Variants in PALLD observed in about 807,000 individuals in gnomAD.
PALLD encodes palladin, cytoskeletal associated protein.
PALLD carries 61 observed loss-of-function variants against 123.5 expected under a neutral mutation model. The observed-to-expected ratio is 0.49, with a 90% confidence interval of 0.40 to 0.61. PALLD has a LOEUF of 0.61. Ranked by LOEUF, PALLD falls within the 20% of genes least tolerant of loss-of-function variation. The pLI is 0.00. For missense variants in PALLD, 1,273 were observed against 1,377.0 expected, an observed-to-expected ratio of 0.92 and a Z score of 1.20; for synonymous variants, 465 against 496.4, an observed-to-expected ratio of 0.94 and a Z score of 0.84.
At chr4:168,715,088 T>C (rs1399994529) in intron 10 of PALLD, among the ~76,000 whole-genome samples, 1 of 152,094 alleles carries the variant, frequency 6.6e-6, no homozygotes, top group East Asian at 1.9e-4. Flanking sequence ...AAGTAGGGGT[T>C]CCTGGTCCAG....
chr4:168,928,112 C>A lies in PALLD; in HGVS notation c.*1932C>A. On this transcript the variant is annotated 3_prime_UTR_variant, in exon 22 of 22. Coordinates refer to ENST00000505667, the MANE Select transcript of PALLD (RefSeq NM_001166108.2). ...GCTTGAGCACCGGGTGGCAGATGTT[C>A]TATGCAGTGTGGTTCAAGTTTCTTT... 1 of 194,222 alleles carries A rather than the reference C, an allele frequency of 5.1e-6. No individual in the cohort carries two copies. Among genetic ancestry groups the A allele is most frequent in the Non-Finnish European group, 1.1e-5 (1 of 92,912 alleles). 12.0% of individuals were successfully genotyped at this position (194,222 alleles called of 1,614,324 possible).
intron 3 of PALLD, among the ~76,000 whole-genome samples, chr4:168,678,319 C>T (rs1221285280): frequency 6.6e-6 from 1 of 151,938 alleles, no homozygotes; most frequent in East Asian, 1.9e-4. Context: ...GGTAAAGTGC[C>T]CAGCAGACGC....
chr4:168,762,978 G>A (rs1733160590), intron 10 of PALLD, among the ~76,000 whole-genome samples: 2 of 152,152 alleles, frequency 1.3e-5, no homozygotes, highest in Non-Finnish European at 2.9e-5. Context: ...TGAACAATGA[G>A]AACACATGGA....
chr4:168,620,020 G>A (rs1227729349), intron 2 of PALLD, among the ~76,000 whole-genome samples: 1 of 147,108 alleles, frequency 6.8e-6, no homozygotes, highest in Non-Finnish European at 1.5e-5. Flanking sequence ...AGACTAGTGG[G>A]CAAACGCACA....
intron 2 of PALLD, among the ~76,000 whole-genome samples, chr4:168,626,530 C>T (rs548615047): frequency 3.3e-5 from 5 of 150,982 alleles, no homozygotes; most frequent in South Asian, 2.1e-4. Context: ...GGAAACGTGG[C>T]GAAACCCATG....
Position 168,616,508 on chromosome 4 carries a change from T to C in PALLD, c.909-51682T>C, listed in dbSNP as rs72982774. Among the ~76,000 whole-genome samples, 1,389 of 152,298 alleles carry C rather than the reference T, an allele frequency of 9.1e-3. 18 individuals are homozygous for C. Among genetic ancestry groups the C allele is most frequent in the African/African-American group, 0.03 (1,252 of 41,558 alleles). ...GGCCAGATCATGTATATAATTTCACTAGGGGAGAAACAGATGGAATTTATT... is the reference window on the plus strand; with the variant it reads ...GGCCAGATCATGTATATAATTTCACCAGGGGAGAAACAGATGGAATTTATT... On this transcript the variant is annotated intron_variant, in intron 2 of 21. Coordinates refer to ENST00000505667, the MANE Select transcript of PALLD (RefSeq NM_001166108.2).
chr4:168,540,106 C>T (rs1765472006), intron 2 of PALLD, among the ~76,000 whole-genome samples: 1 of 152,116 alleles, frequency 6.6e-6, no homozygotes, highest in Non-Finnish European at 1.5e-5. Context: ...TTAATTATGG[C>T]ACCGTATTAT....
intron 2 of PALLD, among the ~76,000 whole-genome samples, chr4:168,620,025 C>A (rs186395640): frequency 1.4e-5 from 2 of 147,066 alleles, no homozygotes; most frequent in Non-Finnish European, 3.0e-5. Flanking sequence ...AGTGGGCAAA[C>A]GCACAACCTG....
intron 10 of PALLD, among the ~76,000 whole-genome samples, chr4:168,763,846 C>T (rs1428457968): frequency 3.3e-5 from 5 of 152,324 alleles, no homozygotes; most frequent in African/African-American, 1.2e-4. Flanking sequence ...AGGCCTCCCA[C>T]AGACCTTTGC....
Position 168,668,322 on chromosome 4 carries a change from G to A in PALLD, c.1041G>A (p.Thr347=), listed in dbSNP as rs755672194. ...CAGGTCGCTACACCTGTTTGGCTACGAATCCCAGCGGCTCAGACACAACAT... is the reference window on the plus strand; with the variant it reads ...CAGGTCGCTACACCTGTTTGGCTACAAATCCCAGCGGCTCAGACACAACAT... ...DDTGRYTCLA[T]NPSGSDTTSA... Residue 347 remains threonine, a synonymous_variant, in exon 3 of 22, where the codon ACG becomes ACA. Transcript: ENST00000505667. 24 of 1,612,616 alleles carry A rather than the reference G, an allele frequency of 1.5e-5. No homozygotes were observed. Among genetic ancestry groups the A allele is most frequent in the East Asian group, 1.3e-4 (6 of 44,860 alleles).
chr4:168,721,224 G>A (rs773122249), intron 10 of PALLD, among the ~76,000 whole-genome samples: 6 of 152,246 alleles, frequency 3.9e-5, no homozygotes, highest in Non-Finnish European at 7.4e-5. Flanking sequence ...ACCTAAGTGC[G>A]TAGGAGAGCT....
chr4:168,918,590 A>G (rs367991666), intron 17 of PALLD, among the ~76,000 whole-genome samples: 30 of 152,200 alleles, frequency 2.0e-4, no homozygotes, highest in East Asian at 1.7e-3. Flanking sequence ...GACAGGAAGA[A>G]TAAGTTCAAG....
At chr4:168,625,669 A>G (rs1775196921) in intron 2 of PALLD, among the ~76,000 whole-genome samples, 1 of 151,974 alleles carries the variant, frequency 6.6e-6, no homozygotes, top group Admixed American at 6.6e-5. Context: ...AAAGATGCTA[A>G]ACATCATTAA....
intron 3 of PALLD, among the ~76,000 whole-genome samples, chr4:168,675,657 A>G (rs1780759904): frequency 6.6e-6 from 1 of 152,224 alleles, no homozygotes; most frequent in Admixed American, 6.5e-5. Context: ...GAGTGGGTTA[A>G]TCCACTGGGG....
chr4:168,835,404 G>T (rs6814047), intron 10 of PALLD, among the ~76,000 whole-genome samples: 67 of 152,068 alleles, frequency 4.4e-4, no homozygotes, highest in African/African-American at 1.6e-3. Context: ...TATACGTATT[G>T]GCTCATTCTA....
At chr4:168,682,628 C>T (rs970509037) in intron 4 of PALLD, among the ~76,000 whole-genome samples, 1 of 152,186 alleles carries the variant, frequency 6.6e-6, no homozygotes, top group Non-Finnish European at 1.5e-5. Flanking sequence ...CATTTCAAAT[C>T]TCTGCTTATC....
At chr4:168,736,957 G>A (rs187015495) in intron 10 of PALLD, among the ~76,000 whole-genome samples, 17 of 152,302 alleles carry the variant, frequency 1.1e-4, no homozygotes, top group East Asian at 3.9e-4. Context: ...GAAGCTTAAC[G>A]TGATTGTCTA....
At chr4:168,758,946 G>T (rs764782336) in intron 10 of PALLD, among the ~76,000 whole-genome samples, 1 of 151,266 alleles carries the variant, frequency 6.6e-6, no homozygotes, top group African/African-American at 2.4e-5. Flanking sequence ...AGGCCAAGGC[G>T]GATGGATCAC....
chr4:168,859,453 G>T (rs1197956999), intron 10 of PALLD, among the ~76,000 whole-genome samples: 2 of 152,236 alleles, frequency 1.3e-5, no homozygotes, highest in Admixed American at 6.5e-5. Flanking sequence ...TGCTGACCAT[G>T]TGTGGATGTC....
Sources: allele counts gnomAD v4.1 joint callset (sites outside exome capture counted in the v4.1 genomes callset), GRCh38; gene constraint gnomAD v4.1.1; transcripts MANE v1.5; gene names NCBI Gene and HGNC (gene_info 2026-07-23, HGNC 2026-07-21).